The following FHIT variants were observed in gnomAD, a reference collection of about 807,000 sequenced individuals.
The protein encoded by FHIT is bis(5'-adenosyl)-triphosphatase.
Under a neutral mutation model 17.9 loss-of-function variants are expected in FHIT, and 19 were observed. The ratio of observed to expected loss-of-function variants is 1.06; its 90% CI spans 0.74 to 1.56. The LOEUF is 1.56. Ranked by LOEUF, FHIT falls within the 40% of genes most tolerant of loss-of-function variation. The pLI is 0.00. For synonymous variants in FHIT, 81 were observed against 69.7 expected, an observed-to-expected ratio of 1.16 and a Z score of -0.81; for missense variants, 248 against 189.2, an observed-to-expected ratio of 1.31 and a Z score of -1.82.
chr3:60,493,977 GA>G (rs1309711420), intron 5 of FHIT, among the ~76,000 whole-genome samples: 1 of 152,084 alleles, frequency 6.6e-6, no homozygotes, highest in African/African-American at 2.4e-5. Context: ...TTCAGATCAA[GA>G]GGGAGGTAGA....
Position 59,747,487 on chromosome 3 carries a change from G to A in FHIT, c.*2098C>T, listed in dbSNP as rs1700670875. On this transcript the variant is annotated 3_prime_UTR_variant, in exon 10 of 10. Transcript: ENST00000492590. ...CCACTGGGTCCCTCCCATGACATGTGGGGATTATGGGAGCTACAATTCAAG... is the reference window on the plus strand; with the variant it reads ...CCACTGGGTCCCTCCCATGACATGTAGGGATTATGGGAGCTACAATTCAAG... Among the ~76,000 whole-genome samples the A allele has an allele frequency of 6.6e-6, 1 of 152,124 alleles. No homozygotes were observed. The highest frequency in any genetic ancestry group is 1.5e-5 in the Non-Finnish European group (1 of 68,010).
chr3:60,905,937 G>C (rs1481024187), intron 3 of FHIT, among the ~76,000 whole-genome samples: 2 of 152,020 alleles, frequency 1.3e-5, no homozygotes, highest in African/African-American at 4.8e-5. Flanking sequence ...GTTTTGACTT[G>C]AACCAGGTAA....
At position 60,012,267 on chromosome 3, in the gene FHIT, T is replaced by G. The variant is rs982908117; in HGVS notation, c.250-867A>C. On this transcript the variant is annotated intron_variant, in intron 6 of 9. Transcript: ENST00000492590. ...TGTAAATCAGGTGTTTTTTTTGTTG[T>G]TTTTTTTTTTTTTTTTTTTGAGAAA... is the stretch of plus-strand genomic sequence containing the variant. Among the ~76,000 whole-genome samples the G allele has an allele frequency of 3.4e-4, 19 of 55,976 alleles. No homozygotes were observed. The South Asian group carries it at 7.6e-3, about 22-fold the overall frequency. 36.7% of individuals were successfully genotyped at this position (55,976 alleles called of 152,430 possible).
At chr3:61,186,447 T>C (rs1472134212) in intron 2 of FHIT, among the ~76,000 whole-genome samples, 1 of 152,198 alleles carries the variant, frequency 6.6e-6, no homozygotes, top group Non-Finnish European at 1.5e-5. Context: ...GGAATACAGT[T>C]AGTCTCTATC....
chr3:60,319,643 G>A (rs1047267413), intron 5 of FHIT, among the ~76,000 whole-genome samples: 1 of 152,130 alleles, frequency 6.6e-6, no homozygotes, highest in African/African-American at 2.4e-5. Context: ...ATAGAAGTCC[G>A]TGACCAGAAC....
intron 3 of FHIT, among the ~76,000 whole-genome samples, chr3:61,023,793 C>T (rs941682082): frequency 6.6e-6 from 1 of 152,064 alleles, no homozygotes; most frequent in African/African-American, 2.4e-5. Context: ...ACTGGCTAGC[C>T]AAATGCAGAA....
intron 5 of FHIT, among the ~76,000 whole-genome samples, chr3:60,131,001 AC>A (rs1487451581): frequency 2.1e-5 from 2 of 95,298 alleles, no homozygotes; most frequent in African/African-American, 8.4e-5. Flanking sequence ...ACACATATAT[AC>A]ATATGTGTAT....
At chr3:60,521,999 G>T (rs1467936791) in intron 5 of FHIT, among the ~76,000 whole-genome samples, 1 of 152,068 alleles carries the variant, frequency 6.6e-6, no homozygotes, top group Non-Finnish European at 1.5e-5. Context: ...AACAGGAATT[G>T]AAAGGAGGAA....
intron 8 of FHIT, among the ~76,000 whole-genome samples, chr3:59,857,705 G>GTGTTTTTT (rs1702218242): frequency 8.7e-6 from 1 of 115,436 alleles, no homozygotes; most frequent in Non-Finnish European, 1.7e-5. Context: ...AAAGTGCTGG[G>GTGTTTTTT]TTTTTTTTTT....
intron 8 of FHIT, among the ~76,000 whole-genome samples, chr3:59,900,899 C>T (rs1213139911): frequency 1.3e-5 from 2 of 152,190 alleles, no homozygotes; most frequent in African/African-American, 2.4e-5. Context: ...CAGACGTGAG[C>T]CACTGCGCCC....
chr3:60,170,490 A>G (rs1462308512), intron 5 of FHIT, among the ~76,000 whole-genome samples: 1 of 152,202 alleles, frequency 6.6e-6, no homozygotes, highest in Non-Finnish European at 1.5e-5. Context: ...AATCATTCTA[A>G]GTACATCCAC....
At chr3:60,750,937 TC>T (rs542573613) in intron 4 of FHIT, among the ~76,000 whole-genome samples, 118 of 152,254 alleles carry the variant, frequency 7.8e-4, no homozygotes, top group African/African-American at 2.7e-3. Context: ...AAAGCCTTCT[TC>T]CCACATCCCC....
intron 5 of FHIT, among the ~76,000 whole-genome samples, chr3:60,206,350 T>C (rs935405473): frequency 1.3e-5 from 2 of 152,080 alleles, no homozygotes; most frequent in Admixed American, 6.6e-5. Flanking sequence ...AGTTATTCTG[T>C]GTATCTGAGC....
intron 7 of FHIT, among the ~76,000 whole-genome samples, chr3:59,979,868 C>G (rs1212944814): frequency 6.6e-6 from 1 of 152,114 alleles, no homozygotes; most frequent in Non-Finnish European, 1.5e-5. Context: ...TTAAATTCAG[C>G]ACTTTCTTAA....
intron 4 of FHIT, among the ~76,000 whole-genome samples, chr3:60,644,172 T>C (rs2039795926): frequency 6.6e-6 from 1 of 152,224 alleles, no homozygotes; most frequent in African/African-American, 2.4e-5. Context: ...AAAGATGTTC[T>C]AGAATAGACA....
At chr3:60,467,681 A>G (rs1268595074) in intron 5 of FHIT, among the ~76,000 whole-genome samples, 2 of 152,100 alleles carry the variant, frequency 1.3e-5, no homozygotes, top group African/African-American at 4.8e-5. Context: ...TGGTCAGAGA[A>G]GATATTTGAC....
intron 5 of FHIT, among the ~76,000 whole-genome samples, chr3:60,235,816 A>G (rs1044275508): frequency 1.2e-4 from 19 of 152,170 alleles, no homozygotes; most frequent in Admixed American, 1.2e-3. Flanking sequence ...AGGTTCAATA[A>G]ATGGAAGCAA....
intron 5 of FHIT, among the ~76,000 whole-genome samples, chr3:60,304,606 T>C (rs985562797): frequency 6.6e-6 from 1 of 152,134 alleles, no homozygotes; most frequent in Admixed American, 6.6e-5. Flanking sequence ...AGATAAAACA[T>C]AGGATAAGCA....
chr3:59,908,370 T>C (rs1704683936), intron 8 of FHIT, among the ~76,000 whole-genome samples: 1 of 152,210 alleles, frequency 6.6e-6, no homozygotes, highest in African/African-American at 2.4e-5. Flanking sequence ...ACAGACAAGT[T>C]TTTTTTGAGC....
Sources: gnomAD v4.1 joint callset for allele counts (sites outside exome capture counted in the v4.1 genomes callset) on GRCh38, gnomAD v4.1.1 for gene constraint, MANE v1.5 for transcripts, NCBI Gene and HGNC (gene_info 2026-07-23, HGNC 2026-07-21) for gene names.